Variants in RIT2 observed in about 807,000 individuals in gnomAD.
The protein encoded by RIT2 is GTP-binding protein Rit2.
Under a neutral mutation model 23.7 loss-of-function variants are expected in RIT2, and 24 were observed. The ratio of observed to expected loss-of-function variants is 1.01; its 90% CI spans 0.73 to 1.43. The LOEUF (loss-of-function observed/expected upper bound fraction) is 1.43, where lower values mean the gene tolerates loss of function less well. Ranked by LOEUF, RIT2 falls within the 40% of genes most tolerant of loss-of-function variation. The pLI is 0.00. For synonymous variants in RIT2, 107 were observed against 91.1 expected, an observed-to-expected ratio of 1.17 and a Z score of -0.99; for missense variants, 236 against 266.9, an observed-to-expected ratio of 0.88 and a Z score of 0.81.
intron 1 of RIT2, among the ~76,000 whole-genome samples, chr18:43,039,280 T>A (rs1912068046): frequency 6.6e-6 from 1 of 152,042 alleles, no homozygotes; most frequent in South Asian, 2.1e-4. Context: ...AAGTCTTCCC[T>A]CTTTCCATCC....
At chr18:43,084,041 A>G (rs1913221435) in intron 1 of RIT2, among the ~76,000 whole-genome samples, 2 of 152,176 alleles carry the variant, frequency 1.3e-5, no homozygotes, top group Admixed American at 1.3e-4. Flanking sequence ...TTTCCAAAAA[A>G]TGCCCAAACA....
intron 3 of RIT2, among the ~76,000 whole-genome samples, chr18:42,926,272 T>C (rs1038356468): frequency 2.0e-5 from 3 of 151,934 alleles, no homozygotes; most frequent in Non-Finnish European, 4.4e-5. Flanking sequence ...TTTTACAAAT[T>C]GTAGAATTGA....
At chr18:42,834,589 T>G (rs1906547944) in intron 4 of RIT2, among the ~76,000 whole-genome samples, 1 of 152,016 alleles carries the variant, frequency 6.6e-6, no homozygotes, top group African/African-American at 2.4e-5. Context: ...ACTTCTATGA[T>G]AGCTTTGAGT....
chr18:43,042,508 T>C (rs1382850911), intron 1 of RIT2, among the ~76,000 whole-genome samples: 1 of 152,210 alleles, frequency 6.6e-6, no homozygotes, highest in African/African-American at 2.4e-5. Flanking sequence ...CTCCTCCAGA[T>C]ACCTGCATGG....
At chr18:42,879,198 C>T (rs954894) in intron 4 of RIT2, among the ~76,000 whole-genome samples, 1 of 152,158 alleles carries the variant, frequency 6.6e-6, no homozygotes, top group Non-Finnish European at 1.5e-5. Context: ...CTTTCACCAT[C>T]TTCCTAGAAA....
chr18:43,097,229 G>T (rs572311146), intron 1 of RIT2, among the ~76,000 whole-genome samples: 1 of 151,932 alleles, frequency 6.6e-6, no homozygotes, highest in East Asian at 1.9e-4. Context: ...TTTCTAACAG[G>T]TTCCCAGATG....
At chr18:43,062,231 A>G (rs1026457593) in intron 1 of RIT2, among the ~76,000 whole-genome samples, 1 of 152,136 alleles carries the variant, frequency 6.6e-6, no homozygotes, top group African/African-American at 2.4e-5. Context: ...AAAATAGGGT[A>G]TTTTGCTGTG....
intron 4 of RIT2, among the ~76,000 whole-genome samples, chr18:42,762,532 A>G (rs2143902148): frequency 6.6e-6 from 1 of 152,338 alleles, no homozygotes; most frequent in East Asian, 1.9e-4. Context: ...GGTTTTTTAA[A>G]CTATGCTTGA....
chr18:43,097,133 A>G (rs1271286811), intron 1 of RIT2, among the ~76,000 whole-genome samples: 1 of 151,922 alleles, frequency 6.6e-6, no homozygotes, highest in Non-Finnish European at 1.5e-5. Flanking sequence ...TCAAACTGCT[A>G]TACAATATAA....
intron 4 of RIT2, among the ~76,000 whole-genome samples, chr18:42,834,550 C>T (rs1906546518): frequency 6.6e-6 from 1 of 151,914 alleles, no homozygotes; most frequent in Non-Finnish European, 1.5e-5. Context: ...CTCTCTAAAA[C>T]ACACACACAC....
intron 1 of RIT2, among the ~76,000 whole-genome samples, chr18:43,098,307 T>C (rs1162868541): frequency 6.6e-6 from 1 of 151,916 alleles, no homozygotes; most frequent in Non-Finnish European, 1.5e-5. Flanking sequence ...ACATGTGTCT[T>C]CCTTTCTGGG....
intron 4 of RIT2, among the ~76,000 whole-genome samples, chr18:42,906,076 G>A (rs896702588): frequency 8.8e-5 from 13 of 147,052 alleles, no homozygotes; most frequent in Non-Finnish European, 1.6e-4. Context: ...TTCCAGCAAT[G>A]TTTTCATTTT....
At chr18:42,770,822 G>A (rs1188265338) in intron 4 of RIT2, among the ~76,000 whole-genome samples, 1 of 150,964 alleles carries the variant, frequency 6.6e-6, no homozygotes, top group African/African-American at 2.4e-5. Context: ...AAGGAAAGAA[G>A]AGAAGGATGG....
intron 4 of RIT2, among the ~76,000 whole-genome samples, chr18:42,858,512 T>G (rs1907245993): frequency 6.6e-6 from 1 of 152,172 alleles, no homozygotes; most frequent in African/African-American, 2.4e-5. Context: ...AATGGAAACT[T>G]GCCCCATTAG....
intron 1 of RIT2, among the ~76,000 whole-genome samples, chr18:43,074,933 G>C (rs999305582): frequency 6.6e-5 from 10 of 152,188 alleles, no homozygotes; most frequent in Admixed American, 1.3e-4. Flanking sequence ...GGGAAAAATA[G>C]CTAATGCATA....
At chr18:42,880,637 T>C (rs1907863705) in intron 4 of RIT2, among the ~76,000 whole-genome samples, 1 of 152,118 alleles carries the variant, frequency 6.6e-6, no homozygotes, top group East Asian at 1.9e-4. Context: ...CCTGTCTCCA[T>C]ATCTCGTTTA....
At chr18:43,010,401 A>T (rs1342979531) in intron 2 of RIT2, among the ~76,000 whole-genome samples, 1 of 151,816 alleles carries the variant, frequency 6.6e-6, no homozygotes, top group African/African-American at 2.4e-5. Flanking sequence ...GCAAATTTTT[A>T]TTATTTGAAT....
intron 2 of RIT2, among the ~76,000 whole-genome samples, chr18:43,025,456 T>C (rs1598752019): frequency 6.6e-6 from 1 of 152,006 alleles, no homozygotes; most frequent in East Asian, 1.9e-4. Flanking sequence ...AAATAAATCA[T>C]CATAGCAAAA....
chr18:42,894,449 CA>C (rs34231935), intron 4 of RIT2, among the ~76,000 whole-genome samples: 9,297 of 152,104 alleles, frequency 0.061, 436 homozygotes, highest in Non-Finnish European at 0.083. Flanking sequence ...AATGAAAGAG[CA>C]ATGTATTTAA....
Sources: allele counts gnomAD v4.1 joint callset (sites outside exome capture counted in the v4.1 genomes callset), GRCh38; gene constraint gnomAD v4.1.1; transcripts MANE v1.5; gene names NCBI Gene and HGNC (gene_info 2026-07-23, HGNC 2026-07-21).